Variants in WDFY3 observed in about 807,000 individuals in gnomAD.
WDFY3 encodes WD repeat and FYVE domain containing 3.
WDFY3 carries 66 observed loss-of-function variants against 409.6 expected under a neutral mutation model. The observed-to-expected ratio is 0.16, with a 90% CI of 0.13 to 0.20. The LOEUF is 0.20. WDFY3 is among the 10% of genes least tolerant of loss of function. The probability of loss-of-function intolerance (pLI) is 1.00; values close to 1 mark genes in which losing one functional copy is unlikely to be tolerated. For missense variants in WDFY3, 3,031 were observed against 4,298.1 expected (o/e 0.71, Z 8.24); for synonymous variants, 1,521 against 1,537.1 (o/e 0.99, Z 0.25).
chr4:84,818,170 G>A (rs1753580693), intron 12 of WDFY3, among the ~76,000 whole-genome samples: 1 of 152,246 alleles, frequency 6.6e-6, no homozygotes, highest in South Asian at 2.1e-4. Context: ...ATAGAGGTAA[G>A]GCGGTCAAAG....
chr4:84,838,349 C>G (rs1369719899), intron 6 of WDFY3, among the ~76,000 whole-genome samples: 4 of 152,206 alleles, frequency 2.6e-5, no homozygotes, highest in African/African-American at 9.7e-5. Flanking sequence ...TGCTTTAGGT[C>G]AGACAGCTGG....
chr4:84,908,490 A>G (rs1186527502), intron 2 of WDFY3, among the ~76,000 whole-genome samples: 1 of 152,224 alleles, frequency 6.6e-6, no homozygotes, highest in African/African-American at 2.4e-5. Context: ...TCCCCAACAC[A>G]TTCTGAAAGT....
At chr4:84,677,978 AAAAAAAAAAG>A (rs1160311616) in intron 66 of WDFY3, among the ~76,000 whole-genome samples, 180 bp downstream of exon 66, 1 of 151,146 alleles carries the variant, frequency 6.6e-6, no homozygotes, top group African/African-American at 2.4e-5. Flanking sequence ...AAAAAAAAAA[AAAAAAAAAAG>A]AAAAAGAAAA....
chr4:84,945,047 A>G (rs1772636584), intron 1 of WDFY3, among the ~76,000 whole-genome samples: 1 of 152,178 alleles, frequency 6.6e-6, no homozygotes, highest in African/African-American at 2.4e-5. Context: ...ACAGCCTAAA[A>G]AAATTCCTGT....
intron 3 of WDFY3, among the ~76,000 whole-genome samples, chr4:84,870,248 G>C (rs1761962996): frequency 6.6e-6 from 1 of 152,094 alleles, no homozygotes; most frequent in Non-Finnish European, 1.5e-5. Flanking sequence ...AAAGAGCTTT[G>C]AAATCATCTC....
chr4:84,802,936 G>A (rs2149665019), intron 16 of WDFY3, among the ~76,000 whole-genome samples: 1 of 152,230 alleles, frequency 6.6e-6, no homozygotes, highest in South Asian at 2.1e-4. Flanking sequence ...AGTGCAACAA[G>A]TCAAAACAGA....
intron 41 of WDFY3, 57 bp downstream of exon 41, chr4:84,737,127 C>A: frequency 3.8e-6 from 6 of 1,579,522 alleles, no homozygotes; most frequent in Non-Finnish European, 5.2e-6. Flanking sequence ...TTAAAGTATA[C>A]CCATATATGA....
Position 84,724,477 on chromosome 4 carries a change from C to A in WDFY3, c.7390G>T (p.Ala2464Ser). ...CCATGCTCTGGTTCTTGCTGAGCAG[C>A]TTCACCTTCTGAACTCTCCACAATG... ...DAIVESSEGE[A>S]AQQEPEHGED... Residue 2464 changes from alanine (A) to serine (S), a missense_variant, in exon 46 of 68, where the codon GCT becomes TCT. Around this residue, in one of 16 missense-constraint regions of WDFY3, gnomAD observed 127 missense variants for 144.4 expected, o/e 0.88. Transcript: ENST00000295888. 6.2e-7 allele frequency: 1 copy of A among 1,614,040 alleles called. No homozygotes were observed. Among genetic ancestry groups the A allele is most frequent in the South Asian group, 1.1e-5 (1 of 91,080 alleles).
At chr4:84,822,148 T>TG (rs542320592) in intron 10 of WDFY3, among the ~76,000 whole-genome samples, 76 of 152,012 alleles carry the variant, frequency 5.0e-4, no homozygotes, top group African/African-American at 1.8e-3. Flanking sequence ...ACGTACCAAA[T>TG]GGGGAAAAAA....
At chr4:84,794,327 C>A (rs569265344) in intron 21 of WDFY3, among the ~76,000 whole-genome samples, 192 bp downstream of exon 21, 24 of 152,336 alleles carry the variant, frequency 1.6e-4, no homozygotes, top group African/African-American at 5.1e-4. Context: ...ACTCCCTCCA[C>A]TGTTTTGTAA....
chr4:84,850,574 C>T (rs1758769797), intron 4 of WDFY3, among the ~76,000 whole-genome samples: 1 of 152,176 alleles, frequency 6.6e-6, no homozygotes. Context: ...GCCTCAGCCT[C>T]CCAAAGTGCT....
intron 48 of WDFY3, among the ~76,000 whole-genome samples, chr4:84,717,456 G>A (rs1232220398): frequency 6.6e-6 from 1 of 152,200 alleles, no homozygotes; most frequent in Non-Finnish European, 1.5e-5. Context: ...GACTTCATGT[G>A]ACCCTGATTG....
chr4:84,717,238 C>G (rs967334904), intron 48 of WDFY3, among the ~76,000 whole-genome samples: 4 of 152,150 alleles, frequency 2.6e-5, no homozygotes, highest in Non-Finnish European at 5.9e-5. Context: ...TTATTACTGT[C>G]AGGACCAAGT....
intron 10 of WDFY3, among the ~76,000 whole-genome samples, chr4:84,825,092 T>C (rs1290200596): frequency 6.6e-6 from 1 of 152,162 alleles, no homozygotes; most frequent in African/African-American, 2.4e-5. Context: ...CTAGGTTATA[T>C]AATTATTATC....
In WDFY3 at chr4:84,740,387, C is replaced by T; in HGVS notation, c.6264G>A (p.Leu2088=). The part of the protein sequence containing the change: ...QSKRRSQGLS[L]DAVYHCLNRT... Reference sequence around the variant, plus strand: ...TATTGAGGCAATGATACACTGCATCCAGTGACAATCCCTGTGATCTTCTCT... The same window carrying T: ...TATTGAGGCAATGATACACTGCATCTAGTGACAATCCCTGTGATCTTCTCT... The change falls in exon 39 of 68, where the codon CTG becomes CTA. Residue 2088 remains leucine, a synonymous_variant. Transcript: ENST00000295888. 6.2e-7 allele frequency: 1 copy of T among 1,614,102 alleles called. No individual in the cohort carries two copies. Among genetic ancestry groups the T allele is most frequent in the Non-Finnish European group, 8.5e-7 (1 of 1,180,016 alleles).
chr4:84,918,187 A>G (rs1323159715), intron 2 of WDFY3, among the ~76,000 whole-genome samples: 1 of 152,180 alleles, frequency 6.6e-6, no homozygotes, highest in African/African-American at 2.4e-5. Flanking sequence ...ACTTCGACCT[A>G]GTAATTCCAC....
rs17009324 is a variant in WDFY3, at chr4:84,858,041, C to T, written c.180+2371G>A. Among the ~76,000 whole-genome samples the T allele has an allele frequency of 0.011, 1,652 of 152,224 alleles. 41 individuals carry two copies. The East Asian group carries it at 0.12, about 12-fold the overall frequency. On this transcript the variant is annotated intron_variant, in intron 4 of 67. Transcript: ENST00000295888. ...TCAATACTAATCAATTCTTTTATTG[C>T]CCCCTTTCAACTCTTTCTTTCTCAT...
At chr4:84,931,747 A>G (rs544498721) in intron 2 of WDFY3, among the ~76,000 whole-genome samples, 40 of 152,180 alleles carry the variant, frequency 2.6e-4, no homozygotes, top group Non-Finnish European at 5.0e-4. Context: ...ACATTATTGA[A>G]AAACTAATAA....
intron 3 of WDFY3, among the ~76,000 whole-genome samples, chr4:84,886,158 ACATTAACTACTTT>A (rs1764192731): frequency 6.6e-6 from 1 of 152,228 alleles, no homozygotes; most frequent in Non-Finnish European, 1.5e-5. Context: ...ACAAAAGACA[ACATTAACTACTTT>A]AAAATGGTTG....
Sources: gnomAD v4.1 joint callset for allele counts (sites outside exome capture counted in the v4.1 genomes callset) on GRCh38, gnomAD v4.1.1 for gene constraint, gnomAD v4.1.1 regional missense constraint, MANE v1.5 for transcripts, NCBI Gene and HGNC (gene_info 2026-07-23, HGNC 2026-07-21) for gene names.